Variants in PIWIL4 observed in about 807,000 individuals in gnomAD.
The protein encoded by PIWIL4 is piwi-like protein 4.
PIWIL4 carries 50 observed loss-of-function variants against 100.9 expected under a neutral mutation model. The observed-to-expected ratio is 0.50, with a 90% CI of 0.39 to 0.63. The LOEUF (loss-of-function observed/expected upper bound fraction) is 0.63. PIWIL4 is among the 20% of genes least tolerant of loss of function. The pLI is 0.00. For missense variants in PIWIL4, 887 were observed against 1,043.3 expected, an observed-to-expected ratio of 0.85 and a Z score of 2.06; for synonymous variants, 342 against 367.5, an observed-to-expected ratio of 0.93 and a Z score of 0.79.
intron 11 of PIWIL4, among the ~76,000 whole-genome samples, chr11:94,599,509 ATGT>A (rs1428471260): frequency 2.0e-5 from 3 of 152,214 alleles, no homozygotes; most frequent in Non-Finnish European, 4.4e-5. Flanking sequence ...GCAGGAAGAA[ATGT>A]TGTGGGCAGA....
intron 2 of PIWIL4, among the ~76,000 whole-genome samples, chr11:94,574,145 C>T (rs1948202892): frequency 6.6e-6 from 1 of 152,166 alleles, no homozygotes; most frequent in African/African-American, 2.4e-5. Context: ...ACAGAAAATA[C>T]TCATTTGGAA....
chr11:94,589,033 ATCTT>A, intron 7 of PIWIL4, 84 bp from the exon 8 acceptor site: 1 of 849,192 alleles, frequency 1.2e-6, no homozygotes, highest in Non-Finnish European at 1.9e-6. Context: ...TCTGGAGTCT[ATCTT>A]ATGTGTTGAA....
intron 4 of PIWIL4, 99 bp downstream of exon 4, chr11:94,577,591 AGGTTTGTGG>A: frequency 1.1e-6 from 1 of 949,078 alleles, no homozygotes; most frequent in Non-Finnish European, 1.5e-6. Context: ...AGATTCCAAA[AGGTTTGTGG>A]AAAAATAGAA....
At chr11:94,600,771 A>AG (rs529871300) in intron 11 of PIWIL4, among the ~76,000 whole-genome samples, 3 of 152,220 alleles carry the variant, frequency 2.0e-5, no homozygotes, top group South Asian at 4.2e-4. Flanking sequence ...AGCCACGCCC[A>AG]GGGGGGCCAG....
At chr11:94,590,752 T>C (rs1409804512) in intron 8 of PIWIL4, among the ~76,000 whole-genome samples, 2 of 152,144 alleles carry the variant, frequency 1.3e-5, no homozygotes, top group African/African-American at 2.4e-5. Flanking sequence ...TATCCGTGAA[T>C]TTTCTTTTTG....
At chr11:94,615,103 G>A (rs781172485) in intron 15 of PIWIL4, among the ~76,000 whole-genome samples, 2 of 152,130 alleles carry the variant, frequency 1.3e-5, no homozygotes, top group Non-Finnish European at 2.9e-5. Flanking sequence ...ACCCACAGGA[G>A]GGCCTCTTGA....
At chr11:94,610,051 CT>C (rs1274256163) in intron 15 of PIWIL4, among the ~76,000 whole-genome samples, 5 of 152,266 alleles carry the variant, frequency 3.3e-5, no homozygotes, top group Non-Finnish European at 5.9e-5. Flanking sequence ...TCCTCTGCCC[CT>C]GATAACTATC....
At position 94,583,474 on chromosome 11, in the gene PIWIL4, A is replaced by T; in HGVS notation, c.540A>T (p.Gln180His). 1 of 1,613,872 alleles carries T rather than the reference A, an allele frequency of 6.2e-7. No homozygotes were observed. The highest frequency in any genetic ancestry group is 2.2e-5 in the East Asian group (1 of 44,874). ...EKVTELSSET[Q>H]RGETIKMTIT... ...TCACAGAGTTGTCAAGTGAAACTCAAAGAGGTGAGACTATAAAGATGACTA... is the reference window on the plus strand; with the variant it reads ...TCACAGAGTTGTCAAGTGAAACTCATAGAGGTGAGACTATAAAGATGACTA... The change falls in exon 5 of 20, where the codon CAA (glutamine) becomes CAT (histidine). Residue 180 changes from glutamine (Q) to histidine (H), a missense_variant. Physicochemically the swap from Gln to His is conservative, Grantham distance 24. This residue lies in a region of PIWIL4 where 741 missense variants were observed against 930.0 expected (regional missense o/e 0.80). Coordinates refer to ENST00000299001, the MANE Select transcript of PIWIL4 (RefSeq NM_152431.3).
rs552138684 is a variant in PIWIL4 at position 94,602,730 on chromosome 11, T to C, written c.1565+751T>C. On this transcript the variant is annotated intron_variant, in intron 12 of 19. Coordinates refer to ENST00000299001, the MANE Select transcript of PIWIL4 (RefSeq NM_152431.3). Reference sequence around the variant, plus strand: ...ACTTTTCTTTGTTATAATGGAGTTATTCTTTAAACACATAGTTACTAATTA... The same window carrying C: ...ACTTTTCTTTGTTATAATGGAGTTACTCTTTAAACACATAGTTACTAATTA... Among the ~76,000 whole-genome samples, 3 of 152,356 alleles carry C rather than the reference T, an allele frequency of 2.0e-5. No homozygotes were observed. The South Asian group carries it at 6.2e-4, about 32-fold the overall frequency.
chr11:94,619,646 T>C, intron 17 of PIWIL4, 114 bp from the exon 18 acceptor site: 1 of 1,189,788 alleles, frequency 8.4e-7, no homozygotes, highest in Admixed American at 2.9e-5. Context: ...TTTTCTGTTT[T>C]GCAGTGTTTT....
chr11:94,585,242 TG>T (rs1415555771), intron 5 of PIWIL4, among the ~76,000 whole-genome samples: 1 of 152,204 alleles, frequency 6.6e-6, no homozygotes, highest in African/African-American at 2.4e-5. Flanking sequence ...TAATTTCAGT[TG>T]TAGTATTCTC....
intron 15 of PIWIL4, among the ~76,000 whole-genome samples, chr11:94,613,637 CTTTTA>C (rs961788650): frequency 3.3e-5 from 5 of 152,164 alleles, no homozygotes; most frequent in South Asian, 4.1e-4. Flanking sequence ...TTCTTCCATC[CTTTTA>C]TTTTTTCTCC....
chr11:94,613,297 C>T (rs1948806677), intron 15 of PIWIL4, among the ~76,000 whole-genome samples: 1 of 152,130 alleles, frequency 6.6e-6, no homozygotes, highest in Admixed American at 6.6e-5. Context: ...ATTCTCCTGG[C>T]CTGTAAGGTT....
At chr11:94,594,728 C>G (rs1036666815) in intron 9 of PIWIL4, among the ~76,000 whole-genome samples, 10 of 152,072 alleles carry the variant, frequency 6.6e-5, no homozygotes, top group African/African-American at 2.4e-4. Flanking sequence ...GACGGGGTTT[C>G]TCCATGTTGG....
chr11:94,607,516 C>A lies in PIWIL4; in HGVS notation c.1716C>A (p.Val572=). ...AATATTTGAGCTCAGACTGCCCAGTCCCAAGCCAATGTGTGCTTGCTCGGA... is the reference window on the plus strand; with the variant it reads ...AATATTTGAGCTCAGACTGCCCAGTACCAAGCCAATGTGTGCTTGCTCGGA... ...IKKYLSSDCP[V]PSQCVLARTL... is the part of the protein sequence containing the mutation. The change falls in exon 14 of 20, where the codon GTC becomes GTA. Residue 572 remains valine, a synonymous_variant. Coordinates refer to ENST00000299001, the MANE Select transcript of PIWIL4 (RefSeq NM_152431.3). 4 of 1,614,002 alleles carry A rather than the reference C, an allele frequency of 2.5e-6. No individual in the cohort carries two copies. Among genetic ancestry groups the A allele is most frequent in the Non-Finnish European group, 3.4e-6 (4 of 1,179,950 alleles).
Position 94,607,542 on chromosome 11 carries a change from C to T in PIWIL4, c.1742C>T (p.Thr581Ile), listed in dbSNP as rs756100622. 4.5e-5 allele frequency: 73 copies of T among 1,613,860 alleles called. No homozygotes were observed. The highest frequency in any genetic ancestry group is 6.1e-5 in the Non-Finnish European group (72 of 1,180,002). Residue 581 changes from threonine to isoleucine, a missense_variant, in exon 14 of 20, where the codon ACC becomes ATC. By Grantham distance (89) the Thr-to-Ile change is moderately conservative. Coordinates refer to ENST00000299001, the MANE Select transcript of PIWIL4 (RefSeq NM_152431.3). ...PVPSQCVLAR[T>I]LNKQGMMMSI... The stretch of plus-strand genomic sequence containing the variant: ...CCAAGCCAATGTGTGCTTGCTCGGA[C>T]CTTGAATAAACAGGGCATGATGATG...
intron 4 of PIWIL4, among the ~76,000 whole-genome samples, chr11:94,580,414 G>C (rs1447131341): frequency 1.3e-5 from 2 of 152,070 alleles, no homozygotes; most frequent in East Asian, 3.9e-4. Context: ...TGAACTCCTA[G>C]GAGTTCCAGG....
chr11:94,611,769 C>A (rs1489374931), intron 15 of PIWIL4, among the ~76,000 whole-genome samples: 1 of 152,182 alleles, frequency 6.6e-6, no homozygotes, highest in African/African-American at 2.4e-5. Flanking sequence ...ACCCTGGCCC[C>A]CCTTTGCCTT....
intron 4 of PIWIL4, among the ~76,000 whole-genome samples, chr11:94,583,044 A>ATGTGTG (rs58072951): frequency 1.1e-3 from 141 of 133,888 alleles, no homozygotes; most frequent in African/African-American, 1.8e-3. Context: ...ATATATATAT[A>ATGTGTG]TGTGTGTGTG....
Sources: allele counts gnomAD v4.1 joint callset (sites outside exome capture counted in the v4.1 genomes callset), GRCh38; gene constraint gnomAD v4.1.1; regional missense constraint gnomAD v4.1.1; transcripts MANE v1.5; gene names NCBI Gene and HGNC (gene_info 2026-07-23, HGNC 2026-07-21).